Variants in ARMC9 observed in about 807,000 individuals in gnomAD.
ARMC9 encodes lisH domain-containing protein ARMC9.
In ARMC9, 94 loss-of-function variants were observed where a neutral mutation model predicts 107.0. The ratio of observed to expected loss-of-function variants is 0.88; its 90% CI spans 0.74 to 1.04. ARMC9 has a LOEUF of 1.04. Ranked by LOEUF, ARMC9 falls within the 50% of genes least tolerant of loss-of-function variation. ARMC9 has a pLI of 0.00. For missense variants in ARMC9, 942 were observed against 1,030.1 expected, an observed-to-expected ratio of 0.91 and a Z score of 1.17; for synonymous variants, 380 against 396.9, an observed-to-expected ratio of 0.96 and a Z score of 0.51.
chr2:231,243,819 A>G (rs2036519198), intron 9 of ARMC9, among the ~76,000 whole-genome samples: 1 of 152,260 alleles, frequency 6.6e-6, no homozygotes, highest in Non-Finnish European at 1.5e-5. Context: ...TCTCGAGTTC[A>G]GATTTACAAT....
Position 231,371,757 on chromosome 2 carries a change from G to A in ARMC9, c.*222G>A, listed in dbSNP as rs574712222. 260 of 411,920 alleles carry A rather than the reference G, an allele frequency of 6.3e-4. 1 individual carries two copies. Among genetic ancestry groups the A allele is most frequent in the Non-Finnish European group, 4.9e-4 (117 of 240,054 alleles). The allele number at this position is 411,920 out of a possible 1,614,324, so 25.5% of individuals were successfully genotyped here. A position where few individuals can be genotyped will look rare whatever the true frequency, so the allele number is the denominator to read the frequency against. On this transcript the variant is annotated 3_prime_UTR_variant, in exon 25 of 25. Transcript: ENST00000611582. ...CAGAGCCACCAAGGAGGGCTGGGGA[G>A]AGCCTGGCATTGCCCTCCTGGAGAG...
At chr2:231,217,030 G>A (rs1349017944) in intron 5 of ARMC9, among the ~76,000 whole-genome samples, 1 of 152,124 alleles carries the variant, frequency 6.6e-6, no homozygotes, top group Non-Finnish European at 1.5e-5. Flanking sequence ...ATTAAATCTG[G>A]AAGAGTTATA....
intron 19 of ARMC9, among the ~76,000 whole-genome samples, chr2:231,314,778 G>C (rs2042568056): frequency 6.6e-6 from 1 of 152,172 alleles, no homozygotes; most frequent in Non-Finnish European, 1.5e-5. Flanking sequence ...TAAGGGCTTT[G>C]TTGTTTTAAC....
intron 19 of ARMC9, among the ~76,000 whole-genome samples, chr2:231,301,888 A>G (rs1384180484): frequency 6.6e-6 from 1 of 152,178 alleles, no homozygotes; most frequent in African/African-American, 2.4e-5. Flanking sequence ...CTGAGGCGCA[A>G]GAATCATTTG....
chr2:231,245,041 C>T (rs1298901191), intron 9 of ARMC9, among the ~76,000 whole-genome samples: 1 of 152,222 alleles, frequency 6.6e-6, no homozygotes, highest in East Asian at 1.9e-4. Flanking sequence ...GTTCAGAAAG[C>T]TGCCCGTGTT....
chr2:231,222,863 C>A, intron 6 of ARMC9, 43 bp downstream of exon 6: 2 of 1,349,180 alleles, frequency 1.5e-6, no homozygotes, highest in Non-Finnish European at 2.1e-6. Flanking sequence ...GGTTTTAGAG[C>A]AGATTTTATT....
At position 231,371,650 on chromosome 2, in the gene ARMC9, G is replaced by A. The variant is rs1559513496; in HGVS notation, c.*115G>A. 4.7e-6 allele frequency: 5 copies of A among 1,062,704 alleles called. No homozygotes were observed. Among genetic ancestry groups the A allele is most frequent in the Admixed American group, 4.3e-5 (1 of 23,508 alleles). The allele number at this position is 1,062,704 out of a possible 1,614,324, so 65.8% of individuals were successfully genotyped here. A position where few individuals can be genotyped will look rare whatever the true frequency, so the allele number is the denominator to read the frequency against. On this transcript the variant is annotated 3_prime_UTR_variant, in exon 25 of 25. Transcript: ENST00000611582. Reference sequence around the variant, plus strand: ...GGGACAGTTGTCCACAAGACTCTGGGAGCTGAGGGGAGGCCGGCTCTCCAG... The same window carrying A: ...GGGACAGTTGTCCACAAGACTCTGGAAGCTGAGGGGAGGCCGGCTCTCCAG...
rs577013169 is a variant in ARMC9, at chr2:231,253,573, ACC to A, written c.880-3012_880-3011del. 1.8e-4 allele frequency among the ~76,000 whole-genome samples: 27 copies of A among 152,170 alleles called. No homozygotes were observed. In the South Asian group the frequency reaches 5.6e-3, roughly 32 times the overall value. On this transcript the variant is annotated intron_variant, in intron 9 of 24. Coordinates refer to ENST00000611582, the MANE Select transcript of ARMC9 (RefSeq NM_001352754.2). Reference sequence around the variant, plus strand: ...AAAAAAAGAAAAAAAAATGTTATGGACCAGAGTTGGGCTTCTCCAAGTTTATT... The same window carrying A: ...AAAAAAAGAAAAAAAAATGTTATGGAAGAGTTGGGCTTCTCCAAGTTTATT...
rs571106912 is a variant in ARMC9 at position 231,319,193 on chromosome 2, G to C, written c.1774-12600G>C. On this transcript the variant is annotated intron_variant, in intron 19 of 24. Transcript: ENST00000611582. ...TTTACAGTGAGAAATAAAACTGCCT[G>C]AGTGAGGTCAGTAAGTCACTGACTG... Among the ~76,000 whole-genome samples the C allele has an allele frequency of 2.0e-5, 3 of 152,286 alleles. No homozygotes were observed. The East Asian group carries it at 5.8e-4, about 29-fold the overall frequency.
chr2:231,333,927 G>C (rs2043913401), intron 20 of ARMC9, among the ~76,000 whole-genome samples: 1 of 152,230 alleles, frequency 6.6e-6, no homozygotes, highest in Non-Finnish European at 1.5e-5. Context: ...AACATCTTCA[G>C]TAACAACAAA....
intron 13 of ARMC9, among the ~76,000 whole-genome samples, chr2:231,271,946 C>T (rs1225931826): frequency 6.6e-6 from 1 of 152,018 alleles, no homozygotes; most frequent in Admixed American, 6.6e-5. Context: ...GCTCATAACA[C>T]ACACATTACC....
intron 11 of ARMC9, 92 bp downstream of exon 11, chr2:231,259,194 TC>T: frequency 9.0e-7 from 1 of 1,108,874 alleles, no homozygotes; most frequent in African/African-American, 1.6e-5. Context: ...TAACCCATCT[TC>T]CAGAAATCTT....
chr2:231,278,077 A>G (rs1221908696), intron 15 of ARMC9, among the ~76,000 whole-genome samples: 1 of 152,170 alleles, frequency 6.6e-6, no homozygotes. Flanking sequence ...TGACCGGAGT[A>G]ATAGCCACCA....
rs140262518 is a variant in ARMC9 at position 231,221,136 on chromosome 2, A to T, written c.505-1592A>T. 3.1e-3 allele frequency among the ~76,000 whole-genome samples: 465 copies of T among 152,298 alleles called. 1 individual carries two copies. Among genetic ancestry groups the T allele is most frequent in the Middle Eastern group, 6.8e-3 (2 of 294 alleles). On this transcript the variant is annotated intron_variant, in intron 5 of 24. Coordinates refer to ENST00000611582, the MANE Select transcript of ARMC9 (RefSeq NM_001352754.2). ...CTGAAATCAAGGTGTTGGCAGGGCT[A>T]TGCTGTCCCTGAATCCTAGGGGAGG... is the stretch of plus-strand genomic sequence containing the variant.
chr2:231,363,883 CAAAAAAAAAAAAAAA>C (rs1176736980), intron 23 of ARMC9, among the ~76,000 whole-genome samples: 5 of 16,268 alleles, frequency 3.1e-4, no homozygotes, highest in East Asian at 2.6e-3. Context: ...GACTCCGTCT[CAAAAAAAAAAAAAAA>C]AAAAAAAAAA....
intron 20 of ARMC9, among the ~76,000 whole-genome samples, chr2:231,334,287 GA>G (rs1343894409): frequency 1.3e-5 from 2 of 152,236 alleles, no homozygotes; most frequent in African/African-American, 4.8e-5. Context: ...TTGAAAGGCA[GA>G]AATCCAAAAT....
At chr2:231,314,803 A>G (rs1174517044) in intron 19 of ARMC9, among the ~76,000 whole-genome samples, 2 of 152,210 alleles carry the variant, frequency 1.3e-5, no homozygotes, top group Admixed American at 1.3e-4. Context: ...ATGTTTAGGT[A>G]TAGGACCATT....
chr2:231,355,547 A>G (rs1486233761), intron 21 of ARMC9, among the ~76,000 whole-genome samples: 1 of 152,218 alleles, frequency 6.6e-6, no homozygotes, highest in Non-Finnish European at 1.5e-5. Flanking sequence ...ATTGTGTGTT[A>G]GGAATACACC....
rs548714086 is a variant in ARMC9, at chr2:231,231,585, C to T, written c.623-3639C>T. ...TTTTAGTAGAGACGGGATTTCACCA[C>T]GTTGGCCAGGCTGGTCTCGAACTCC... On this transcript the variant is annotated intron_variant, in intron 7 of 24. Coordinates refer to ENST00000611582, the MANE Select transcript of ARMC9 (RefSeq NM_001352754.2). 5.3e-3 allele frequency among the ~76,000 whole-genome samples: 802 copies of T among 151,654 alleles called. 10 individuals carry two copies. The highest frequency in any genetic ancestry group is 0.019 in the African/African-American group (769 of 41,326).
Sources: gnomAD v4.1 joint callset for allele counts (sites outside exome capture counted in the v4.1 genomes callset) on GRCh38, gnomAD v4.1.1 for gene constraint, MANE v1.5 for transcripts, NCBI Gene and HGNC (gene_info 2026-07-23, HGNC 2026-07-21) for gene names.